SF3B1: variants seen among roughly 807,000 people sequenced by gnomAD.
SF3B1 encodes pre-mRNA processing 10.
Under a neutral mutation model 153.8 loss-of-function variants are expected in SF3B1, and 12 were observed. The ratio of observed to expected loss-of-function variants is 0.08; its 90% CI spans 0.05 to 0.13. The LOEUF (loss-of-function observed/expected upper bound fraction) is 0.13, where lower values mean the gene tolerates loss of function less well. SF3B1 is among the 10% of genes least tolerant of loss of function. SF3B1 has a pLI of 1.00. For synonymous variants in SF3B1, 498 were observed against 525.2 expected, an observed-to-expected ratio of 0.95 and a Z score of 0.71; for missense variants, 513 against 1,606.1, an observed-to-expected ratio of 0.32 and a Z score of 11.63.
intron 7 of SF3B1, 136 bp from the exon 8 acceptor site, chr2:197,408,717 G>T: frequency 3.0e-6 from 2 of 658,642 alleles, no homozygotes; most frequent in Non-Finnish European, 5.2e-6. Flanking sequence ...ATTTAAAGTT[G>T]TTTGAGACCA....
At chr2:197,431,164 G>C (rs1371908352) in intron 1 of SF3B1, among the ~76,000 whole-genome samples, 1 of 135,100 alleles carries the variant, frequency 7.4e-6, no homozygotes, top group Non-Finnish European at 1.5e-5. Context: ...CCAGGCTGGA[G>C]TGCAGTGGCG....
chr2:197,404,245 A>T (rs765109168), intron 11 of SF3B1, among the ~76,000 whole-genome samples: 2 of 152,112 alleles, frequency 1.3e-5, no homozygotes, highest in Admixed American at 6.6e-5. Flanking sequence ...TCGGAGACTG[A>T]GGCAGGAGGA....
intron 23 of SF3B1, among the ~76,000 whole-genome samples, chr2:197,393,504 G>A (rs915098260): frequency 6.6e-6 from 1 of 150,876 alleles, no homozygotes; most frequent in East Asian, 2.0e-4. Flanking sequence ...CCAGACTGGA[G>A]TGCAGTGGTG....
Position 197,401,642 on chromosome 2 carries a change from G to GT in SF3B1, c.2370+99dup. 6.8e-7 allele frequency: 1 copy of GT among 1,467,664 alleles called. No homozygotes were observed. The highest frequency in any genetic ancestry group is 2.1e-5 in the Admixed American group (1 of 47,260). The allele number at this position is 1,467,664 out of a possible 1,614,324, so 90.9% of individuals were successfully genotyped here. ...TAAAAACAAATCAAACAGTATTCGT[G>GT]TAACATACAGTTTTTTTTGTTGATT... is the stretch of plus-strand genomic sequence containing the variant. On this transcript the variant is annotated intron_variant, in intron 16 of 24. Transcript: ENST00000335508. This position sits in a 1 kb window ranked among gnomAD's most constrained non-coding sequence, Gnocchi z 4.2.
At chr2:197,417,712 G>A (rs769444527) in intron 5 of SF3B1, among the ~76,000 whole-genome samples, 3 of 151,798 alleles carry the variant, frequency 2.0e-5, no homozygotes, top group Non-Finnish European at 2.9e-5. Flanking sequence ...AGCTGAAATC[G>A]CACCACTGCA....
At chr2:197,422,435 T>C (rs562564713) in intron 2 of SF3B1, among the ~76,000 whole-genome samples, 31 of 151,866 alleles carry the variant, frequency 2.0e-4, no homozygotes, top group African/African-American at 6.3e-4. Context: ...AGGGATAGCA[T>C]TGGGAGATAT....
rs975931653 is a variant in SF3B1 at position 197,396,404 on chromosome 2, T to C, written c.3267-76A>G. ...TATGGAAGAAAAAAATGCATAAAGA[T>C]GAAAACTTTTAAGTATTAATAATTA... On this transcript the variant is annotated intron_variant, in intron 22 of 24. Coordinates refer to ENST00000335508, the MANE Select transcript of SF3B1 (RefSeq NM_012433.4). 3 of 1,277,714 alleles carry C rather than the reference T, an allele frequency of 2.3e-6. No individual in the cohort carries two copies. In the Admixed American group the frequency reaches 6.9e-5, roughly 29 times the overall value. The allele number at this position is 1,277,714 out of a possible 1,614,324, so 79.1% of individuals were successfully genotyped here.
At chr2:197,403,117 A>T (rs1257026437) in intron 12 of SF3B1, 82 bp from the exon 13 acceptor site, 1 of 994,302 alleles carries the variant, frequency 1.0e-6, no homozygotes, top group Non-Finnish European at 1.5e-6. Flanking sequence ...AACATACATA[A>T]GAAATTTAGA....
intron 22 of SF3B1, 173 bp downstream of exon 22, chr2:197,397,810 AAG>A: frequency 2.1e-6 from 1 of 470,806 alleles, no homozygotes; most frequent in Non-Finnish European, 3.7e-6. Context: ...AAAAAAAAAA[AAG>A]AATTTAACAA....
chr2:197,420,176 A>C (rs1338638162), intron 4 of SF3B1: 1 of 396,548 alleles, frequency 2.5e-6, no homozygotes, highest in Non-Finnish European at 4.6e-6. Flanking sequence ...TAAAAGTAAA[A>C]CCTTTAACCC....
chr2:197,423,146 G>A (rs564734699), intron 2 of SF3B1, among the ~76,000 whole-genome samples: 1 of 152,192 alleles, frequency 6.6e-6, no homozygotes, highest in East Asian at 1.9e-4. Context: ...CAGCACTTTG[G>A]GAGGCCAAGG....
intron 1 of SF3B1, among the ~76,000 whole-genome samples, chr2:197,429,904 C>G (rs571586980): frequency 6.6e-6 from 1 of 152,212 alleles, no homozygotes; most frequent in African/African-American, 2.4e-5. Context: ...GCTTGTAGGC[C>G]CCCTAACATC....
chr2:197,405,678 A>G (rs977483887), intron 9 of SF3B1, among the ~76,000 whole-genome samples: 1 of 152,156 alleles, frequency 6.6e-6, no homozygotes, highest in African/African-American at 2.4e-5. Context: ...TGGTGTAGGG[A>G]ACTGAGGAAA....
chr2:197,400,596 T>C lies in SF3B1; in HGVS notation c.2718+119A>G. 1 of 1,020,066 alleles carries C rather than the reference T, an allele frequency of 9.8e-7. No homozygotes were observed. The highest frequency in any genetic ancestry group is 1.4e-6 in the Non-Finnish European group (1 of 701,306). The allele number at this position is 1,020,066 out of a possible 1,614,324, so 63.2% of individuals were successfully genotyped here. On this transcript the variant is annotated intron_variant, in intron 18 of 24. Transcript: ENST00000335508. The surrounding 1 kb of genome is among the most constrained non-coding windows in gnomAD (Gnocchi z 5.0). Reference sequence around the variant, plus strand: ...AGAATAATATCGTTTGGTAACCCCCTGAGCATTTTAAAAATTACTTCAAAT... The same window carrying C: ...AGAATAATATCGTTTGGTAACCCCCCGAGCATTTTAAAAATTACTTCAAAT...
chr2:197,398,358 A>T, intron 21 of SF3B1, 103 bp downstream of exon 21: 1 of 1,226,768 alleles, frequency 8.2e-7, no homozygotes, highest in Non-Finnish European at 1.2e-6. Flanking sequence ...CTAATCTTTT[A>T]CACTTATATT....
Position 197,401,977 on chromosome 2 carries a change from G to A in SF3B1, c.2223+8C>T. The A allele has an allele frequency of 3.1e-6, 5 of 1,609,364 alleles. No homozygotes were observed. The highest frequency in any genetic ancestry group is 4.2e-6 in the Non-Finnish European group (5 of 1,178,438). ...GAAGATAAATCAAAAGGTAATTGGT[G>A]GATTTACCTTTCCTCTGTGTTGGCG... is the stretch of plus-strand genomic sequence containing the variant. On this transcript the variant is annotated splice_region_variant and intron_variant, in intron 15 of 24. Coordinates refer to ENST00000335508, the MANE Select transcript of SF3B1 (RefSeq NM_012433.4). This position sits in a 1 kb window ranked among gnomAD's most constrained non-coding sequence, Gnocchi z 4.2.
chr2:197,432,913 A>G (rs1010014732), intron 1 of SF3B1, among the ~76,000 whole-genome samples: 1 of 152,228 alleles, frequency 6.6e-6, no homozygotes, highest in African/African-American at 2.4e-5. Flanking sequence ...GGAATATGAC[A>G]GCAAAATAAA....
intron 6 of SF3B1, 189 bp downstream of exon 6, chr2:197,416,552 C>T (rs1386985887): frequency 1.9e-6 from 1 of 528,808 alleles, no homozygotes; most frequent in Non-Finnish European, 3.3e-6. Context: ...AGAAAGCCCT[C>T]AACAAACACC....
chr2:197,409,069 G>C (rs909249671), intron 7 of SF3B1, among the ~76,000 whole-genome samples: 4 of 152,080 alleles, frequency 2.6e-5, no homozygotes, highest in Admixed American at 2.6e-4. Context: ...ACCAGGCTGG[G>C]CAATGAAGCA....
Sources: allele counts gnomAD v4.1 joint callset (sites outside exome capture counted in the v4.1 genomes callset), GRCh38; gene constraint gnomAD v4.1.1; non-coding constraint Gnocchi (gnomAD v3.1); transcripts MANE v1.5; gene names NCBI Gene and HGNC (gene_info 2026-07-23, HGNC 2026-07-21).